ABI3: variants seen among roughly 807,000 people sequenced by gnomAD.
ABI3 encodes the protein ABI gene family member 3.
In ABI3, 24 loss-of-function variants were observed where a neutral mutation model predicts 37.0. That is an observed-to-expected ratio of 0.65 (90% CI 0.47 to 0.91). The LOEUF (loss-of-function observed/expected upper bound fraction) is 0.91. Ranked by LOEUF, ABI3 falls within the 40% of genes least tolerant of loss-of-function variation. The pLI, the probability that ABI3 is intolerant of heterozygous loss-of-function variation, is 0.00. For synonymous variants in ABI3, 220 were observed against 211.8 expected (o/e 1.04, Z -0.34); for missense variants, 481 against 485.1 (o/e 0.99, Z 0.08).
At position 49,210,991 on chromosome 17, in the gene ABI3, C is replaced by G. The variant is rs1445738424; in HGVS notation, c.117+150C>G. The G allele has an allele frequency of 4.6e-6, 3 of 656,416 alleles. No homozygotes were observed. Among genetic ancestry groups the G allele is most frequent in the Non-Finnish European group, 7.8e-6 (3 of 385,150 alleles). The allele number at this position is 656,416 out of a possible 1,614,324, so 40.7% of individuals were successfully genotyped here. ...CCCATTCCAGGCTTCGGCTTCATCC[C>G]AGACCCCAATACTTAACCCTGACCC... On this transcript the variant is annotated intron_variant, in intron 1 of 7. Coordinates refer to ENST00000225941, the MANE Select transcript of ABI3 (RefSeq NM_016428.3). The surrounding 1 kb of genome is among the most constrained non-coding windows in gnomAD (Gnocchi z 4.2).
At chr17:49,218,094 C>A (rs1410881583) in intron 3 of ABI3, among the ~76,000 whole-genome samples, 179 bp downstream of exon 3, 1 of 152,242 alleles carries the variant, frequency 6.6e-6, no homozygotes, top group Non-Finnish European at 1.5e-5. Context: ...TAATCCCTCC[C>A]TCCAAAACTG....
intron 6 of ABI3, among the ~76,000 whole-genome samples, chr17:49,220,892 A>C (rs1282092354): frequency 7.2e-6 from 1 of 139,700 alleles, no homozygotes; most frequent in African/African-American, 2.6e-5. Context: ...TAATAATAAT[A>C]AACTTAATCC....
chr17:49,220,407 T>C, intron 6 of ABI3, 81 bp downstream of exon 6: 1 of 1,494,212 alleles, frequency 6.7e-7, no homozygotes, highest in Non-Finnish European at 9.0e-7. Context: ...CTCTCTTGGA[T>C]CTGCCCCGGC....
chr17:49,220,024 G>A, intron 5 of ABI3, 71 bp downstream of exon 5: 1 of 1,526,228 alleles, frequency 6.6e-7, no homozygotes, highest in South Asian at 1.2e-5. Context: ...ACCTGCCAGT[G>A]GTCATAGTGA....
At position 49,219,076 on chromosome 17, in the gene ABI3, A is replaced by C. The variant is rs1006862385; in HGVS notation, c.463-464A>C. 5.9e-5 allele frequency among the ~76,000 whole-genome samples: 9 copies of C among 151,984 alleles called. No individual in the cohort carries two copies. Among genetic ancestry groups the C allele is most frequent in the African/African-American group, 2.2e-4 (9 of 41,354 alleles). ...CCCTGTCATTTGCGCATCCCCTCTA[A>C]GTGGCCTGGGTCTTGCTCCTCTCTG... On this transcript the variant is annotated intron_variant, in intron 3 of 7. Transcript: ENST00000225941. This position sits in a 1 kb window ranked among gnomAD's most constrained non-coding sequence, Gnocchi z 4.3.
chr17:49,214,229 C>T (rs1401425701), intron 1 of ABI3, among the ~76,000 whole-genome samples: 2 of 152,206 alleles, frequency 1.3e-5, no homozygotes, highest in Non-Finnish European at 2.9e-5. Flanking sequence ...AGTGTGCAGC[C>T]TTGCCTGTTG....
chr17:49,213,701 G>A (rs867852918), intron 1 of ABI3, among the ~76,000 whole-genome samples: 26 of 152,244 alleles, frequency 1.7e-4, no homozygotes, highest in African/African-American at 6.3e-4. Flanking sequence ...TAGGTGTTCA[G>A]GCTGCAGATG....
At chr17:49,220,964 G>A (rs2043280279) in intron 6 of ABI3, among the ~76,000 whole-genome samples, 2 of 151,644 alleles carry the variant, frequency 1.3e-5, no homozygotes, top group African/African-American at 4.9e-5. Context: ...TGTGGAGGGC[G>A]GATCACTTGA....
intron 6 of ABI3, among the ~76,000 whole-genome samples, chr17:49,221,485 CAA>C (rs1437494543): frequency 6.6e-6 from 1 of 151,854 alleles, no homozygotes; most frequent in Non-Finnish European, 1.5e-5. Context: ...AAAAATAAAA[CAA>C]AATAAACTTA....
intron 1 of ABI3, among the ~76,000 whole-genome samples, chr17:49,211,804 C>T (rs554591372): frequency 6.6e-6 from 1 of 152,192 alleles, no homozygotes; most frequent in East Asian, 1.9e-4. Context: ...ACCACCATGC[C>T]CGACTAATTT....
In ABI3 at chr17:49,215,145, C is replaced by T. The variant is rs73338400; in HGVS notation, c.118-1386C>T. 1.5e-3 allele frequency among the ~76,000 whole-genome samples: 223 copies of T among 152,260 alleles called. 2 individuals are homozygous for T. The highest frequency in any genetic ancestry group is 5.1e-3 in the African/African-American group (212 of 41,554). ...GGTGTCTCTGAGAAGCTGAGGCCTG[C>T]TAATAAGGATTCTGAAAATAAGTAC... On this transcript the variant is annotated intron_variant, in intron 1 of 7. Coordinates refer to ENST00000225941, the MANE Select transcript of ABI3 (RefSeq NM_016428.3).
At chr17:49,214,024 A>G (rs2043196647) in intron 1 of ABI3, among the ~76,000 whole-genome samples, 1 of 152,262 alleles carries the variant, frequency 6.6e-6, no homozygotes, top group Non-Finnish European at 1.5e-5. Flanking sequence ...AATGACATGC[A>G]AATGAGCATC....
intron 6 of ABI3, among the ~76,000 whole-genome samples, chr17:49,221,266 C>T (rs910408111): frequency 5.9e-5 from 9 of 151,416 alleles, no homozygotes; most frequent in Non-Finnish European, 8.8e-5. Flanking sequence ...GTCAGGAGAT[C>T]GAGACCATCC....
At chr17:49,213,202 C>G (rs887948388) in intron 1 of ABI3, among the ~76,000 whole-genome samples, 4 of 152,194 alleles carry the variant, frequency 2.6e-5, no homozygotes, top group Non-Finnish European at 5.9e-5. Context: ...CAATGACCAT[C>G]ACTACCATTC....
At chr17:49,220,884 AT>A (rs1468275095) in intron 6 of ABI3, among the ~76,000 whole-genome samples, 2 of 117,942 alleles carry the variant, frequency 1.7e-5, no homozygotes, top group African/African-American at 6.0e-5. Flanking sequence ...AATAATAATA[AT>A]AATAATAAAC....
rs2043287237 is a variant in ABI3, at chr17:49,221,459, AGACTCG to A, written c.803-630_803-625del. On this transcript the variant is annotated intron_variant, in intron 6 of 7. Transcript: ENST00000225941. ...GCAATCCAGCCTGGGCGACACAGCG[AGACTCG>A]GTCTCAAAAAAAAATAAAACAAAAT... 5.9e-5 allele frequency among the ~76,000 whole-genome samples: 9 copies of A among 152,108 alleles called. No individual in the cohort carries two copies. In the South Asian group the frequency reaches 1.7e-3, roughly 28 times the overall value.
intron 6 of ABI3, among the ~76,000 whole-genome samples, chr17:49,220,893 A>AT (rs1162563352): frequency 7.0e-6 from 1 of 142,872 alleles, no homozygotes; most frequent in Admixed American, 7.0e-5. Flanking sequence ...AATAATAATA[A>AT]ACTTAATCCT....
At chr17:49,221,500 C>T (rs1254475533) in intron 6 of ABI3, among the ~76,000 whole-genome samples, 3 of 151,998 alleles carry the variant, frequency 2.0e-5, no homozygotes, top group African/African-American at 7.3e-5. Flanking sequence ...TAAACTTAAT[C>T]CTGAGAGGGT....
chr17:49,212,635 G>A (rs1598237812), intron 1 of ABI3, among the ~76,000 whole-genome samples: 1 of 152,242 alleles, frequency 6.6e-6, no homozygotes, highest in East Asian at 1.9e-4. Flanking sequence ...CCGGTGAGGC[G>A]AGTCCCATGC....
Sources: allele counts gnomAD v4.1 joint callset (sites outside exome capture counted in the v4.1 genomes callset), GRCh38; gene constraint gnomAD v4.1.1; non-coding constraint Gnocchi (gnomAD v3.1); transcripts MANE v1.5; gene names NCBI Gene and HGNC (gene_info 2026-07-23, HGNC 2026-07-21).